LRRC37A2: variants seen among roughly 807,000 people sequenced by gnomAD.
LRRC37A2 encodes leucine rich repeat containing 37 member A2.
In LRRC37A2, 9 loss-of-function variants were observed where a neutral mutation model predicts 68.8. The ratio of observed to expected loss-of-function variants is 0.13; its 90% CI spans 0.08 to 0.23. The LOEUF (loss-of-function observed/expected upper bound fraction) is 0.23, where lower values mean the gene tolerates loss of function less well. Ranked by LOEUF, LRRC37A2 falls within the 10% of genes least tolerant of loss-of-function variation. LRRC37A2 has a pLI of 1.00. For missense variants in LRRC37A2, 168 were observed against 950.4 expected (o/e 0.18, Z 10.82); for synonymous variants, 63 against 367.6 (o/e 0.17, Z 9.48).
intron 6 of LRRC37A2, among the ~76,000 whole-genome samples, chr17:46,532,797 T>C (rs1222450864): frequency 6.7e-6 from 1 of 149,128 alleles, no homozygotes; most frequent in Non-Finnish European, 1.5e-5. Context: ...TTTCTAGTTT[T>C]AATAATTTGG....
At chr17:46,980,551 G>T in the LRRC37A2 span, among the ~76,000 whole-genome samples, 1 of 151,562 alleles carries the variant, frequency 6.6e-6, no homozygotes, top group South Asian at 2.1e-4. Context: ...GGCCGGGCGC[G>T]GTGGCTCACG....
At chr17:46,949,711 A>C in the LRRC37A2 span, among the ~76,000 whole-genome samples, 1 of 152,214 alleles carries the variant, frequency 6.6e-6, no homozygotes. Context: ...CTTACCCTGG[A>C]ACCCTGGAGG....
chr17:46,947,017 C>G, the LRRC37A2 span, among the ~76,000 whole-genome samples: 5 of 152,152 alleles, frequency 3.3e-5, no homozygotes, highest in African/African-American at 1.2e-4. Context: ...GGGCCAGATT[C>G]ACAGGGGAGC....
chr17:46,907,541 C>T, the LRRC37A2 span, among the ~76,000 whole-genome samples: 1 of 151,304 alleles, frequency 6.6e-6, no homozygotes, highest in Non-Finnish European at 1.5e-5. Context: ...TGCAATTTAG[C>T]TCCCTTAACT....
the LRRC37A2 span, among the ~76,000 whole-genome samples, chr17:46,982,546 A>T: frequency 5.3e-5 from 8 of 152,312 alleles, no homozygotes; most frequent in Non-Finnish European, 8.8e-5. Flanking sequence ...TGACATGAGG[A>T]AACAGCGGCA....
At chr17:46,797,854 T>C in the LRRC37A2 span, among the ~76,000 whole-genome samples, 1 of 152,244 alleles carries the variant, frequency 6.6e-6, no homozygotes, top group African/African-American at 2.4e-5. Context: ...ACATGCAGTA[T>C]AACACCATTT....
the LRRC37A2 span, among the ~76,000 whole-genome samples, chr17:46,951,477 T>C: frequency 1.3e-5 from 2 of 152,242 alleles, no homozygotes; most frequent in Non-Finnish European, 2.9e-5. Flanking sequence ...CAGTGACTTG[T>C]CAAGCTGCCA....
At chr17:46,818,716 C>G in the LRRC37A2 span, 1 of 1,001,484 alleles carries the variant, frequency 1.0e-6, no homozygotes, top group Non-Finnish European at 1.5e-6. Context: ...GTCAGAAGCG[C>G]ACCTCCACCC....
chr17:46,389,261 A>G, the LRRC37A2 span, among the ~76,000 whole-genome samples: 1 of 150,388 alleles, frequency 6.6e-6, no homozygotes, highest in Non-Finnish European at 1.5e-5. Context: ...AAATCCAGCT[A>G]TAATTTTCAA....
the LRRC37A2 span, among the ~76,000 whole-genome samples, chr17:46,853,363 C>CTTTTTTTTTT: frequency 2.5e-5 from 2 of 78,896 alleles, no homozygotes; most frequent in East Asian, 5.0e-4. Flanking sequence ...ATGCTAGTGA[C>CTTTTTTTTTT]TTTTTTTTTT....
chr17:46,493,259 G>A, the LRRC37A2 span, among the ~76,000 whole-genome samples: 1 of 135,210 alleles, frequency 7.4e-6, no homozygotes, highest in East Asian at 2.1e-4. Context: ...CTGGGTTCAA[G>A]CCATCCTCCC....
the LRRC37A2 span, chr17:47,017,681 T>TATTGGAATTATACGCC: frequency 6.2e-7 from 1 of 1,610,756 alleles, no homozygotes; most frequent in Admixed American, 1.7e-5. Flanking sequence ...TTGCTGAGAT[T>TATTGGAATTATACGCC]ATTGGAATTA....
At chr17:46,810,142 G>A in the LRRC37A2 span, among the ~76,000 whole-genome samples, 1 of 151,764 alleles carries the variant, frequency 6.6e-6, no homozygotes, top group Non-Finnish European at 1.5e-5. Context: ...GAGTAGCTGG[G>A]ATTACAGGCT....
chr17:46,990,752 C>A, the LRRC37A2 span, among the ~76,000 whole-genome samples: 4 of 152,026 alleles, frequency 2.6e-5, no homozygotes. Context: ...CTCACTGCAA[C>A]CTCCACCTCC....
chr17:46,755,973 A>C, the LRRC37A2 span: 2 of 687,930 alleles, frequency 2.9e-6, no homozygotes, highest in Non-Finnish European at 4.7e-6. Context: ...GTGCAATAAA[A>C]CTCCCTTCCT....
At chr17:46,755,370 G>T in the LRRC37A2 span, 2 of 1,611,626 alleles carry the variant, frequency 1.2e-6, no homozygotes, top group East Asian at 4.5e-5. Context: ...AAGAAGGAGC[G>T]TAAGTACATA....
At chr17:46,815,815 C>T in the LRRC37A2 span, among the ~76,000 whole-genome samples, 1 of 152,208 alleles carries the variant, frequency 6.6e-6, no homozygotes, top group Non-Finnish European at 1.5e-5. Flanking sequence ...GAGACTTTTG[C>T]TTCCTGTTGG....
chr17:47,008,558 A>C, the LRRC37A2 span, among the ~76,000 whole-genome samples: 1 of 151,170 alleles, frequency 6.6e-6, no homozygotes, highest in African/African-American at 2.4e-5. Flanking sequence ...TCCCGGGTTC[A>C]AGCAATTCTT....
At chr17:46,534,835 C>A (rs1330516480) in intron 6 of LRRC37A2, among the ~76,000 whole-genome samples, 3 of 149,076 alleles carry the variant, frequency 2.0e-5, no homozygotes, top group Non-Finnish European at 2.9e-5. Flanking sequence ...CTGGCCCCCA[C>A]CTCCCTCCCA....
Sources: gnomAD v4.1 joint callset for allele counts (sites outside exome capture counted in the v4.1 genomes callset) on GRCh38, gnomAD v4.1.1 for gene constraint, MANE v1.5 for transcripts, NCBI Gene and HGNC (gene_info 2026-07-23, HGNC 2026-07-21) for gene names.